The following ITPKB variants were observed in gnomAD, a reference collection of about 807,000 sequenced individuals.
ITPKB encodes inositol-trisphosphate 3-kinase B, also known as IP3 3-kinase B.
A neutral mutation model predicts 69.4 loss-of-function variants in ITPKB; 13 were observed. The observed-to-expected ratio is 0.19, with a 90% confidence interval of 0.12 to 0.30. The LOEUF (loss-of-function observed/expected upper bound fraction) is 0.30, where lower values mean the gene tolerates loss of function less well. Among genes scored for constraint, ITPKB ranks in the 10% least tolerant of loss-of-function variants. The pLI is 1.00. For missense variants in ITPKB, 1,240 were observed against 1,250.5 expected, an observed-to-expected ratio of 0.99 and a Z score of 0.13; for synonymous variants, 584 against 513.7, an observed-to-expected ratio of 1.14 and a Z score of -1.85.
At chr1:226,720,283 C>T (rs941106372) in intron 2 of ITPKB, among the ~76,000 whole-genome samples, 23 of 152,190 alleles carry the variant, frequency 1.5e-4, no homozygotes, top group African/African-American at 5.3e-4. Context: ...AGCCACCTCC[C>T]AGGGCTGTGG....
intron 2 of ITPKB, among the ~76,000 whole-genome samples, chr1:226,657,664 C>T (rs983985067): frequency 9.2e-5 from 14 of 152,188 alleles, no homozygotes; most frequent in African/African-American, 1.4e-4. Flanking sequence ...GCTAATAGCT[C>T]AGGTAACTCT....
intron 2 of ITPKB, among the ~76,000 whole-genome samples, chr1:226,720,817 C>T (rs1222030632): frequency 6.6e-6 from 1 of 151,616 alleles, no homozygotes; most frequent in South Asian, 2.1e-4. Context: ...TTTGGGAGGC[C>T]GAGACGGGCA....
At chr1:226,651,474 T>C (rs1418201694) in intron 2 of ITPKB, among the ~76,000 whole-genome samples, 2 of 152,218 alleles carry the variant, frequency 1.3e-5, no homozygotes, top group African/African-American at 4.8e-5. Flanking sequence ...TAGCCCTCTG[T>C]GTTCAAGGAG....
intron 2 of ITPKB, among the ~76,000 whole-genome samples, chr1:226,670,953 A>T (rs1230372195): frequency 6.6e-6 from 1 of 152,258 alleles, no homozygotes; most frequent in Non-Finnish European, 1.5e-5. Context: ...TGTAAAAAAT[A>T]TACAGAACAC....
At position 226,737,131 on chromosome 1, in the gene ITPKB, G is replaced by T. The variant is rs769140718; in HGVS notation, c.328C>A (p.Arg110=). 1 of 1,602,442 alleles carries T rather than the reference G, an allele frequency of 6.2e-7. No homozygotes were observed. Among genetic ancestry groups the T allele is most frequent in the South Asian group, 1.1e-5 (1 of 91,054 alleles). Residue 110 remains arginine (R), a synonymous_variant, in exon 2 of 8, where the codon CGG becomes AGG. Transcript: ENST00000429204. ...PSWAGRLRGD[R]QQVVAAGTLS... is the part of the protein sequence containing the mutation. Reference sequence around the variant, plus strand: ...GTACCGGCTGCCACCACCTGCTGCCGGTCCCCTCGCAGGCGACCAGCCCAA... The same window carrying T: ...GTACCGGCTGCCACCACCTGCTGCCTGTCCCCTCGCAGGCGACCAGCCCAA...
Position 226,638,083 on chromosome 1 carries a change from C to T in ITPKB, c.2554-333G>A, listed in dbSNP as rs533534486. On this transcript the variant is annotated intron_variant, in intron 6 of 7. Coordinates refer to ENST00000429204, the MANE Select transcript of ITPKB (RefSeq NM_002221.4). The stretch of plus-strand genomic sequence containing the variant: ...AAGCCAGCTCTGTGGGTCTCACCCC[C>T]GGGCTGCCTTGGGAAGCTCGTCATA... 2.2e-4 allele frequency among the ~76,000 whole-genome samples: 33 copies of T among 152,358 alleles called. 1 individual carries two copies. The South Asian group carries it at 5.6e-3, about 26-fold the overall frequency.
chr1:226,675,661 T>G lies in ITPKB; in HGVS notation c.1933-26890A>C, dbSNP rs1330713494. ...TTACCCAACCTTCCTGCTTCTCGAT[T>G]TCTACTTCCTCTATAAAACAGGGAT... On this transcript the variant is annotated intron_variant, in intron 2 of 7. Coordinates refer to ENST00000429204, the MANE Select transcript of ITPKB (RefSeq NM_002221.4). Among the ~76,000 whole-genome samples, 5 of 152,312 alleles carry G rather than the reference T, an allele frequency of 3.3e-5. No individual in the cohort carries two copies. In the South Asian group the frequency reaches 1.0e-3, roughly 32 times the overall value.
intron 2 of ITPKB, among the ~76,000 whole-genome samples, chr1:226,689,477 C>A (rs1257807705): frequency 6.6e-6 from 1 of 151,938 alleles, no homozygotes; most frequent in African/African-American, 2.4e-5. Context: ...GTAAATACAA[C>A]AAGGTGTCTC....
intron 2 of ITPKB, among the ~76,000 whole-genome samples, chr1:226,719,015 C>T (rs1486386407): frequency 6.6e-6 from 1 of 152,196 alleles, no homozygotes; most frequent in Non-Finnish European, 1.5e-5. Context: ...TGGCTCGTGC[C>T]TGTAATCTCA....
chr1:226,666,755 C>T (rs1468467806), intron 2 of ITPKB, among the ~76,000 whole-genome samples: 1 of 152,198 alleles, frequency 6.6e-6, no homozygotes, highest in Non-Finnish European at 1.5e-5. Context: ...CACTCATCAG[C>T]CTTGCAGATC....
intron 2 of ITPKB, among the ~76,000 whole-genome samples, chr1:226,681,671 T>G (rs1656096910): frequency 1.3e-5 from 2 of 152,198 alleles, no homozygotes; most frequent in South Asian, 4.1e-4. Flanking sequence ...ATTGTGCAGA[T>G]TTGGATCTGT....
At chr1:226,654,718 G>A (rs530432491) in intron 2 of ITPKB, among the ~76,000 whole-genome samples, 3 of 152,200 alleles carry the variant, frequency 2.0e-5, no homozygotes, top group Non-Finnish European at 4.4e-5. Flanking sequence ...CAACCCTCCC[G>A]TGATGCTAAC....
intron 2 of ITPKB, among the ~76,000 whole-genome samples, chr1:226,690,194 G>A (rs1656314983): frequency 6.6e-6 from 1 of 152,174 alleles, no homozygotes; most frequent in African/African-American, 2.4e-5. Flanking sequence ...AATCGCCACA[G>A]TCTTCCATAG....
At chr1:226,690,591 G>T (rs565752551) in intron 2 of ITPKB, among the ~76,000 whole-genome samples, 1 of 152,174 alleles carries the variant, frequency 6.6e-6, no homozygotes, top group Non-Finnish European at 1.5e-5. Context: ...CAAGCCAGTG[G>T]GCAGGGAGAG....
At chr1:226,703,123 A>G (rs916971514) in intron 2 of ITPKB, among the ~76,000 whole-genome samples, 1 of 152,160 alleles carries the variant, frequency 6.6e-6, no homozygotes, top group Non-Finnish European at 1.5e-5. Context: ...AAGCGAAAGA[A>G]AGTGATTATG....
At chr1:226,663,635 T>C (rs1216024427) in intron 2 of ITPKB, among the ~76,000 whole-genome samples, 1 of 152,096 alleles carries the variant, frequency 6.6e-6, no homozygotes, top group African/African-American at 2.4e-5. Context: ...TCCTCCTGCC[T>C]CAGCCTCCCT....
At chr1:226,705,652 T>C (rs891131861) in intron 2 of ITPKB, among the ~76,000 whole-genome samples, 1 of 152,166 alleles carries the variant, frequency 6.6e-6, no homozygotes, top group African/African-American at 2.4e-5. Flanking sequence ...ATACCTTCAA[T>C]TTCCCACCAA....
In ITPKB at chr1:226,641,849, C is replaced by T. The variant is rs1357541888; in HGVS notation, c.2451+72G>A. 1.1e-5 allele frequency: 15 copies of T among 1,367,944 alleles called. No individual in the cohort carries two copies. The highest frequency in any genetic ancestry group is 1.3e-5 in the Non-Finnish European group (13 of 981,916). The allele number at this position is 1,367,944 out of a possible 1,614,324, so 84.7% of individuals were successfully genotyped here. Reference sequence around the variant, plus strand: ...GGAGAAGCTTACAGCTTCCAAAGGGCGCTGAGAGAAGCCAAGCCCCCTGAG... The same window carrying T: ...GGAGAAGCTTACAGCTTCCAAAGGGTGCTGAGAGAAGCCAAGCCCCCTGAG... On this transcript the variant is annotated intron_variant, in intron 5 of 7. Coordinates refer to ENST00000429204, the MANE Select transcript of ITPKB (RefSeq NM_002221.4). This position sits in a 1 kb window ranked among gnomAD's most constrained non-coding sequence, Gnocchi z 4.6.
intron 2 of ITPKB, chr1:226,707,833 A>G: frequency 8.2e-7 from 1 of 1,212,942 alleles, no homozygotes; most frequent in Non-Finnish European, 1.1e-6. Context: ...GTAGTGTAGG[A>G]AGATGAAATA....
Sources: allele counts gnomAD v4.1 joint callset (sites outside exome capture counted in the v4.1 genomes callset), GRCh38; gene constraint gnomAD v4.1.1; non-coding constraint Gnocchi (gnomAD v3.1); transcripts MANE v1.5; gene names NCBI Gene and HGNC (gene_info 2026-07-23, HGNC 2026-07-21).